Variants in TBC1D1 observed in about 807,000 individuals in gnomAD.
TBC1D1 encodes TBC1 (tre-2/USP6, BUB2, cdc16) domain family, member 1.
Under a neutral mutation model 125.6 loss-of-function variants are expected in TBC1D1, and 89 were observed. The ratio of observed to expected loss-of-function variants is 0.71; its 90% confidence interval spans 0.60 to 0.85. TBC1D1 has a LOEUF of 0.85. TBC1D1 is among the 40% of genes least tolerant of loss of function. The pLI is 0.00. For missense variants in TBC1D1, 1,377 were observed against 1,469.2 expected (o/e 0.94, Z 1.03); for synonymous variants, 565 against 564.1 (o/e 1.00, Z -0.02).
At chr4:37,998,246 G>C (rs527670932) in intron 2 of TBC1D1, among the ~76,000 whole-genome samples, 1 of 152,280 alleles carries the variant, frequency 6.6e-6, no homozygotes, top group African/African-American at 2.4e-5. Context: ...CAGGCACTGG[G>C]TTACAAGACC....
chr4:38,128,410 C>T (rs528491082), intron 18 of TBC1D1, among the ~76,000 whole-genome samples: 1 of 152,268 alleles, frequency 6.6e-6, no homozygotes, highest in South Asian at 2.1e-4. Context: ...GATTCCTCTG[C>T]AGCCTTAGAG....
intron 6 of TBC1D1, 38 bp from the exon 7 acceptor site, chr4:38,027,750 A>G (rs909896060): frequency 4.1e-6 from 6 of 1,459,784 alleles, no homozygotes; most frequent in African/African-American, 2.8e-5. Context: ...CAACTTTTAT[A>G]TAGAATTTTT....
intron 16 of TBC1D1, among the ~76,000 whole-genome samples, chr4:38,117,384 A>G (rs895475244): frequency 2.0e-5 from 3 of 152,184 alleles, no homozygotes; most frequent in Admixed American, 6.5e-5. Context: ...AGGAACTGGC[A>G]TGAGATTTCT....
chr4:38,083,742 C>T (rs1379845276), intron 12 of TBC1D1, among the ~76,000 whole-genome samples: 1 of 152,124 alleles, frequency 6.6e-6, no homozygotes, highest in Admixed American at 6.5e-5. Context: ...GCTCCAGGGC[C>T]CATGCTCTTG....
chr4:38,061,387 T>C (rs1306088415), intron 12 of TBC1D1, among the ~76,000 whole-genome samples: 1 of 152,256 alleles, frequency 6.6e-6, no homozygotes, highest in African/African-American at 2.4e-5. Flanking sequence ...AAGATAATCC[T>C]TTGTTATTAA....
rs140451529 is a variant in TBC1D1 at position 37,968,204 on chromosome 4, T to C, written c.418-46305T>C. ...ATAAGTAAATTTCTGTTTCAGCAAG[T>C]GTTACTTACAAGGAGAAAAAAAGGC... On this transcript the variant is annotated intron_variant, in intron 2 of 19. Coordinates refer to ENST00000261439, the MANE Select transcript of TBC1D1 (RefSeq NM_015173.4). Among the ~76,000 whole-genome samples, 423 of 152,328 alleles carry C rather than the reference T, an allele frequency of 2.8e-3. 1 individual carries two copies. The highest frequency in any genetic ancestry group is 4.9e-3 in the Non-Finnish European group (335 of 68,024).
intron 2 of TBC1D1, among the ~76,000 whole-genome samples, chr4:37,920,978 C>T (rs891678975): frequency 2.6e-5 from 4 of 151,914 alleles, no homozygotes; most frequent in South Asian, 4.2e-4. Context: ...GGCATGGTGG[C>T]GGGTGCCTGT....
intron 19 of TBC1D1, among the ~76,000 whole-genome samples, chr4:38,133,764 G>T (rs1376767716): frequency 6.6e-6 from 1 of 152,152 alleles, no homozygotes; most frequent in Non-Finnish European, 1.5e-5. Context: ...CTCCCCTCTA[G>T]AAACTTCCAT....
chr4:38,072,185 A>G (rs750711989), intron 12 of TBC1D1, among the ~76,000 whole-genome samples: 1 of 152,218 alleles, frequency 6.6e-6, no homozygotes, highest in East Asian at 1.9e-4. Context: ...TCAGAAAACT[A>G]TGTACACCTA....
At chr4:37,969,640 C>T (rs1016199806) in intron 2 of TBC1D1, among the ~76,000 whole-genome samples, 8 of 152,238 alleles carry the variant, frequency 5.3e-5, no homozygotes, top group African/African-American at 1.2e-4. Flanking sequence ...AGTCACCACA[C>T]CCAGCCAAAA....
intron 12 of TBC1D1, among the ~76,000 whole-genome samples, chr4:38,074,246 G>A (rs1423272545): frequency 6.6e-6 from 1 of 152,152 alleles, no homozygotes; most frequent in Non-Finnish European, 1.5e-5. Flanking sequence ...TTTAGGGGAA[G>A]GTTCTTTTCA....
chr4:37,959,756 G>T (rs1729606342), intron 2 of TBC1D1, among the ~76,000 whole-genome samples: 1 of 152,188 alleles, frequency 6.6e-6, no homozygotes, highest in African/African-American at 2.4e-5. Context: ...GCCTGGACTA[G>T]ATTGGGGTTG....
chr4:38,115,205 A>G (rs1428691698), intron 15 of TBC1D1, among the ~76,000 whole-genome samples: 2 of 151,172 alleles, frequency 1.3e-5, no homozygotes, highest in Non-Finnish European at 2.9e-5. Context: ...GGTTCAAGCA[A>G]TTCTCCTGCC....
At chr4:38,091,255 A>T (rs1366971138) in intron 13 of TBC1D1, among the ~76,000 whole-genome samples, 2 of 152,244 alleles carry the variant, frequency 1.3e-5, no homozygotes, top group African/African-American at 4.8e-5. Flanking sequence ...CACAGTTGGA[A>T]TAGGCTAGTA....
In TBC1D1 at chr4:38,014,523, C is replaced by T. The variant is rs1350789757; in HGVS notation, c.432C>T (p.Ile144=). 1 of 1,612,908 alleles carries T rather than the reference C, an allele frequency of 6.2e-7. No homozygotes were observed. The highest frequency in any genetic ancestry group is 1.1e-5 in the South Asian group (1 of 91,076). ...TCTCTCCTCAGGTGCCTGAGATCAT[C>T]AGCTCCATCCGTCAGGCGGGGAAGA... is the stretch of plus-strand genomic sequence containing the variant. Residue 144 remains isoleucine, a synonymous_variant, in exon 3 of 20, where the codon ATC becomes ATT. Transcript: ENST00000261439. The surrounding 1 kb of genome is among the most constrained non-coding windows in gnomAD (Gnocchi z 5.1).
intron 2 of TBC1D1, among the ~76,000 whole-genome samples, chr4:37,984,457 G>C (rs1308851149): frequency 1.3e-5 from 2 of 152,200 alleles, no homozygotes; most frequent in African/African-American, 2.4e-5. Flanking sequence ...TAATAGGTGT[G>C]TAGTGGTACC....
At chr4:37,920,293 G>T (rs540754300) in intron 2 of TBC1D1, among the ~76,000 whole-genome samples, 1 of 152,162 alleles carries the variant, frequency 6.6e-6, no homozygotes, top group Non-Finnish European at 1.5e-5. Flanking sequence ...ATGTCATCTC[G>T]TAAGAGGTAG....
intron 18 of TBC1D1, among the ~76,000 whole-genome samples, chr4:38,128,895 T>G (rs1765104827): frequency 3.3e-5 from 5 of 152,146 alleles, no homozygotes; most frequent in Admixed American, 3.3e-4. Flanking sequence ...CTTGTCACAG[T>G]GGGTGCTCTG....
At chr4:38,069,189 A>G (rs1754267898) in intron 12 of TBC1D1, among the ~76,000 whole-genome samples, 2 of 152,210 alleles carry the variant, frequency 1.3e-5, no homozygotes, top group South Asian at 4.1e-4. Context: ...CAGTGGTAGA[A>G]TGGACTGGAA....
Sources: allele counts gnomAD v4.1 joint callset (sites outside exome capture counted in the v4.1 genomes callset), GRCh38; gene constraint gnomAD v4.1.1; non-coding constraint Gnocchi (gnomAD v3.1); transcripts MANE v1.5; gene names NCBI Gene and HGNC (gene_info 2026-07-23, HGNC 2026-07-21).